Variants in FGD2 observed in about 807,000 individuals in gnomAD.
FGD2 encodes FYVE, RhoGEF and PH domain containing 2, also known as FYVE, RhoGEF and PH domain-containing protein 2.
FGD2 carries 52 observed loss-of-function variants against 75.9 expected under a neutral mutation model. The ratio of observed to expected loss-of-function variants is 0.69; its 90% CI spans 0.55 to 0.86. The LOEUF (loss-of-function observed/expected upper bound fraction) is 0.86. Ranked by LOEUF, FGD2 falls within the 40% of genes least tolerant of loss-of-function variation. The pLI, the probability that FGD2 is intolerant of heterozygous loss-of-function variation, is 0.00. For synonymous variants in FGD2, 347 were observed against 348.6 expected (o/e 1.00, Z 0.05); for missense variants, 790 against 872.0 (o/e 0.91, Z 1.18).
intron 1 of FGD2, among the ~76,000 whole-genome samples, chr6:37,008,421 C>T (rs1272442207): frequency 6.6e-6 from 1 of 152,190 alleles, no homozygotes; most frequent in East Asian, 1.9e-4. Context: ...CCTGCTCTCA[C>T]TTTATATTGT....
At chr6:37,007,794 C>T (rs934119913) in intron 1 of FGD2, among the ~76,000 whole-genome samples, 5 of 152,168 alleles carry the variant, frequency 3.3e-5, no homozygotes, top group African/African-American at 1.2e-4. Context: ...AGCTGCAGAC[C>T]CATGGGCTGA....
chr6:37,011,055 G>T lies in FGD2; in HGVS notation c.378+5G>T. The T allele has an allele frequency of 6.2e-7, 1 of 1,614,068 alleles. No individual in the cohort carries two copies. The highest frequency in any genetic ancestry group is 8.5e-7 in the Non-Finnish European group (1 of 1,179,968). On this transcript the variant is annotated splice_donor_5th_base_variant and intron_variant, in intron 3 of 15. Coordinates refer to ENST00000274963, the MANE Select transcript of FGD2 (RefSeq NM_173558.4). Reference sequence around the variant, plus strand: ...CGCCTCCACCTGCTAGACCAGGCCAGTGACCAGGACACCCCCCTCTAGAGC... The same window carrying T: ...CGCCTCCACCTGCTAGACCAGGCCATTGACCAGGACACCCCCCTCTAGAGC...
At chr6:37,018,571 G>A (rs1390658230) in intron 9 of FGD2, among the ~76,000 whole-genome samples, 1 of 152,116 alleles carries the variant, frequency 6.6e-6, no homozygotes, top group Non-Finnish European at 1.5e-5. Flanking sequence ...TTAGTATTTT[G>A]CCATCCCCCA....
intron 14 of FGD2, among the ~76,000 whole-genome samples, chr6:37,026,858 A>G (rs79907504): frequency 3.4e-4 from 52 of 151,778 alleles, no homozygotes; most frequent in African/African-American, 1.1e-3. Context: ...AAAAAAAAAA[A>G]TCAGCCGGGC....
In FGD2 at chr6:37,015,815, C is replaced by T. The variant is rs149920478; in HGVS notation, c.1077C>T (p.Gly359=). ...LYCVPRVIQV[G]AQFQVRTRID... ...GTGTGCCCAGGGTGATCCAGGTGGG[C>T]GCCCAGTTCCAGGTGAGGACCCGCA... Residue 359 remains glycine, a synonymous_variant, in exon 9 of 16, where the codon GGC becomes GGT. Coordinates refer to ENST00000274963, the MANE Select transcript of FGD2 (RefSeq NM_173558.4). 4 of 1,596,356 alleles carry T rather than the reference C, an allele frequency of 2.5e-6. No individual in the cohort carries two copies. The highest frequency in any genetic ancestry group is 1.3e-5 in the African/African-American group (1 of 74,816).
intron 3 of FGD2, 144 bp downstream of exon 3, chr6:37,011,194 T>TTGAGGTTAAA: frequency 2.8e-6 from 2 of 726,424 alleles, no homozygotes; most frequent in South Asian, 1.6e-5. Context: ...TTAACCTCAA[T>TTGAGGTTAAA]GGCTGGGGTT....
intron 9 of FGD2, among the ~76,000 whole-genome samples, chr6:37,019,803 T>C (rs184265218): frequency 2.6e-4 from 40 of 152,254 alleles, no homozygotes; most frequent in Admixed American, 6.5e-4. Context: ...TGATAGTATC[T>C]GCTTCCCAAG....
intron 6 of FGD2, 115 bp downstream of exon 6, chr6:37,014,215 T>C (rs1303885774): frequency 1.6e-6 from 2 of 1,241,366 alleles, no homozygotes; most frequent in East Asian, 2.4e-5. Context: ...CATCAACCAC[T>C]GGCACTTCAT....
chr6:37,015,173 G>A, intron 8 of FGD2, 135 bp downstream of exon 8: 1 of 1,236,448 alleles, frequency 8.1e-7, no homozygotes, highest in Non-Finnish European at 1.1e-6. Context: ...GTCTTTTTCT[G>A]CTTTGGCACC....
intron 3 of FGD2, 104 bp downstream of exon 3, chr6:37,011,154 C>G (rs1561927473): frequency 9.1e-7 from 1 of 1,099,882 alleles, no homozygotes; most frequent in Non-Finnish European, 1.4e-6. Flanking sequence ...GTCAGGAGCC[C>G]TGGCTTTGAC....
At chr6:37,026,260 A>G (rs1264184811) in intron 14 of FGD2, 1 of 985,424 alleles carries the variant, frequency 1.0e-6, no homozygotes, top group African/African-American at 1.7e-5. Flanking sequence ...CTGCCCCGAC[A>G]GTCCCAGGGT....
intron 3 of FGD2, 157 bp downstream of exon 3, chr6:37,011,207 G>A (rs1226170602): frequency 1.5e-5 from 10 of 688,270 alleles, no homozygotes; most frequent in African/African-American, 1.3e-4. Context: ...CTGGGGTTGG[G>A]GTAGAATCAG....
intron 6 of FGD2, 102 bp from the exon 7 acceptor site, chr6:37,014,544 C>A (rs941872113): frequency 1.5e-6 from 2 of 1,361,588 alleles, no homozygotes; most frequent in East Asian, 2.4e-5. Flanking sequence ...TGGGGGCTGT[C>A]ATGGCAGGTC....
intron 9 of FGD2, among the ~76,000 whole-genome samples, chr6:37,016,410 C>G (rs1355413056): frequency 6.6e-6 from 1 of 152,146 alleles, no homozygotes; most frequent in Non-Finnish European, 1.5e-5. Context: ...TGTGTGTGTC[C>G]CCATCTACCT....
In FGD2 at chr6:37,027,577, T is replaced by A; in HGVS notation, c.1752+2T>A. On this transcript the variant is annotated splice_donor_variant, in intron 15 of 15. Coordinates refer to ENST00000274963, the MANE Select transcript of FGD2 (RefSeq NM_173558.4). LOFTEE classifies it high-confidence loss of function. ...CTCTATGTCTATGCTGCCCCTCAGG[T>A]AAGGCCACCACCTGCCCGCCCCCCG... 6.2e-7 allele frequency: 1 copy of A among 1,613,858 alleles called. No homozygotes were observed. The highest frequency in any genetic ancestry group is 8.5e-7 in the Non-Finnish European group (1 of 1,179,932).
intron 4 of FGD2, chr6:37,013,303 TA>T (rs780015516): frequency 3.0e-5 from 11 of 366,928 alleles, no homozygotes; most frequent in African/African-American, 2.3e-4. Context: ...GCTTGGTAGG[TA>T]GCCCTCGTTA....
intron 2 of FGD2, among the ~76,000 whole-genome samples, chr6:37,010,353 C>T (rs886677518): frequency 1.3e-5 from 2 of 152,166 alleles, no homozygotes; most frequent in Non-Finnish European, 2.9e-5. Flanking sequence ...GACATTAATC[C>T]TACCAGTTTA....
chr6:37,014,448 C>T (rs755484572), intron 6 of FGD2, 198 bp from the exon 7 acceptor site: 25 of 652,278 alleles, frequency 3.8e-5, no homozygotes, highest in East Asian at 2.7e-4. Context: ...TAATGGCTAA[C>T]GTTCAGTGGC....
chr6:37,021,300 T>A (rs1010621470), intron 11 of FGD2, among the ~76,000 whole-genome samples: 21 of 152,128 alleles, frequency 1.4e-4, no homozygotes, highest in Non-Finnish European at 1.3e-4. Flanking sequence ...CCAGGGCCAG[T>A]CACTTACCCT....
Sources: allele counts gnomAD v4.1 joint callset (sites outside exome capture counted in the v4.1 genomes callset), GRCh38; gene constraint gnomAD v4.1.1; transcripts MANE v1.5; gene names NCBI Gene and HGNC (gene_info 2026-07-23, HGNC 2026-07-21).